Variants in ABTB3 observed in about 807,000 individuals in gnomAD.
ABTB3 encodes the protein ankyrin repeat and BTB domain containing 3, also known as ankyrin repeat- and BTB/POZ domain-containing protein 3.
At chr12:107,334,293 G>A in the ABTB3 span, among the ~76,000 whole-genome samples, 1 of 152,280 alleles carries the variant, frequency 6.6e-6, no homozygotes, top group African/African-American at 2.4e-5. Flanking sequence ...GGCAGGAGAG[G>A]ATGGTGGCCT....
chr12:107,464,949 TACACACACACAC>T, the ABTB3 span, among the ~76,000 whole-genome samples: 8 of 146,544 alleles, frequency 5.5e-5, no homozygotes, highest in Non-Finnish European at 7.5e-5. Flanking sequence ...CTCCCTACCT[TACACACACACAC>T]ACACACACAC....
chr12:107,473,019 G>T, the ABTB3 span, among the ~76,000 whole-genome samples: 7 of 152,302 alleles, frequency 4.6e-5, no homozygotes, highest in African/African-American at 1.4e-4. Context: ...AAGGCCCCAG[G>T]TGGCCCAGGG....
the ABTB3 span, among the ~76,000 whole-genome samples, chr12:107,643,402 C>CAAAA: frequency 1.1e-4 from 9 of 79,506 alleles, no homozygotes; most frequent in East Asian, 5.4e-4. Flanking sequence ...GACCCTATCT[C>CAAAA]AAAAAAAAAA....
At chr12:107,510,883 C>A in the ABTB3 span, among the ~76,000 whole-genome samples, 1 of 152,048 alleles carries the variant, frequency 6.6e-6, no homozygotes, top group Non-Finnish European at 1.5e-5. Flanking sequence ...CGTCAGGCCA[C>A]TGCACGCCAG....
the ABTB3 span, among the ~76,000 whole-genome samples, chr12:107,507,673 C>T: frequency 3.3e-5 from 5 of 152,178 alleles, no homozygotes; most frequent in South Asian, 2.1e-4. Context: ...GTGCCAGCCA[C>T]GGCCAACTTC....
At chr12:107,563,937 C>A in the ABTB3 span, among the ~76,000 whole-genome samples, 74 of 152,244 alleles carry the variant, frequency 4.9e-4, no homozygotes, top group African/African-American at 1.7e-3. Flanking sequence ...AAAATCTGTG[C>A]TATAATTGGA....
At chr12:107,479,313 C>T in the ABTB3 span, among the ~76,000 whole-genome samples, 6 of 152,010 alleles carry the variant, frequency 3.9e-5, no homozygotes, top group African/African-American at 1.5e-4. Flanking sequence ...ACATCACTAA[C>T]ACACCCCCTG....
At chr12:107,348,778 T>C in the ABTB3 span, among the ~76,000 whole-genome samples, 2 of 152,158 alleles carry the variant, frequency 1.3e-5, no homozygotes, top group East Asian at 3.9e-4. Flanking sequence ...AGACCAGCAA[T>C]AAACATTGAA....
At chr12:107,574,516 A>G in the ABTB3 span, among the ~76,000 whole-genome samples, 1 of 152,204 alleles carries the variant, frequency 6.6e-6, no homozygotes, top group Admixed American at 6.5e-5. Context: ...TGAGGTCAGG[A>G]GTTCGAGACC....
the ABTB3 span, among the ~76,000 whole-genome samples, chr12:107,475,162 A>C: frequency 6.6e-6 from 1 of 151,828 alleles, no homozygotes; most frequent in Non-Finnish European, 1.5e-5. Flanking sequence ...ACCCCACTTC[A>C]CTTTGACCTC....
the ABTB3 span, among the ~76,000 whole-genome samples, chr12:107,599,821 A>T: frequency 6.6e-6 from 1 of 152,232 alleles, no homozygotes; most frequent in Non-Finnish European, 1.5e-5. Flanking sequence ...AGCCAAAAAA[A>T]AAAGTCTGTA....
chr12:107,465,888 C>A, the ABTB3 span, among the ~76,000 whole-genome samples: 2 of 152,178 alleles, frequency 1.3e-5, no homozygotes, highest in Non-Finnish European at 2.9e-5. Context: ...TCTCTGCGTT[C>A]GTACTGCCTC....
chr12:107,647,741 T>C, the ABTB3 span, among the ~76,000 whole-genome samples: 1 of 152,210 alleles, frequency 6.6e-6, no homozygotes, highest in African/African-American at 2.4e-5. Context: ...AGGCCTGTTC[T>C]ATGCAGTTAC....
the ABTB3 span, among the ~76,000 whole-genome samples, chr12:107,389,846 TTGTGTGTG>T: frequency 0.23 from 33,039 of 141,112 alleles, 3,756 homozygotes; most frequent in Admixed American, 0.27. Flanking sequence ...GTGTGTGTGT[TTGTGTGTG>T]TGTGTGTGTG....
At chr12:107,450,335 A>G in the ABTB3 span, among the ~76,000 whole-genome samples, 4 of 152,176 alleles carry the variant, frequency 2.6e-5, no homozygotes, top group Non-Finnish European at 5.9e-5. Context: ...AAAAAGGCAA[A>G]CTAAATGGAG....
At chr12:107,559,307 G>C in the ABTB3 span, among the ~76,000 whole-genome samples, 3 of 152,172 alleles carry the variant, frequency 2.0e-5, no homozygotes, top group Admixed American at 6.5e-5. Flanking sequence ...TCCCCAGGTT[G>C]TTGGCTTGCT....
the ABTB3 span, among the ~76,000 whole-genome samples, chr12:107,436,288 G>A: frequency 1.4e-4 from 22 of 152,320 alleles, no homozygotes; most frequent in Non-Finnish European, 2.5e-4. Flanking sequence ...CATCCCGGTC[G>A]CATGCAGCTT....
At chr12:107,464,204 AGAGTGTGT>A in the ABTB3 span, among the ~76,000 whole-genome samples, 25 of 129,170 alleles carry the variant, frequency 1.9e-4, no homozygotes, top group African/African-American at 7.4e-4. Flanking sequence ...AAACATGTGA[AGAGTGTGT>A]GTGTGTGTGT....
At chr12:107,434,913 G>A in the ABTB3 span, among the ~76,000 whole-genome samples, 1 of 151,992 alleles carries the variant, frequency 6.6e-6, no homozygotes, top group Non-Finnish European at 1.5e-5. Flanking sequence ...AAGGCCGATA[G>A]GCACATGGAG....
Sources: allele counts gnomAD v4.1 joint callset (sites outside exome capture counted in the v4.1 genomes callset), GRCh38; gene constraint gnomAD v4.1.1; transcripts MANE v1.5; gene names NCBI Gene and HGNC (gene_info 2026-07-23, HGNC 2026-07-21).